The following TJP1 variants were observed in gnomAD, a reference collection of about 807,000 sequenced individuals.
TJP1 encodes the protein tight junction protein ZO-1.
A neutral mutation model predicts 194.2 loss-of-function variants in TJP1; 43 were observed. That is an observed-to-expected ratio of 0.22 (90% CI 0.17 to 0.29). TJP1 has a LOEUF of 0.29. Ranked by LOEUF, TJP1 falls within the 10% of genes least tolerant of loss-of-function variation. The pLI, the probability that TJP1 is intolerant of heterozygous loss-of-function variation, is 1.00. For missense variants in TJP1, 1,971 were observed against 2,185.7 expected (o/e 0.90, Z 1.96); for synonymous variants, 801 against 779.0 (o/e 1.03, Z -0.47).
At chr15:29,851,826 T>C (rs1304084353) in intron 2 of TJP1, among the ~76,000 whole-genome samples, 1 of 152,210 alleles carries the variant, frequency 6.6e-6, no homozygotes, top group Non-Finnish European at 1.5e-5. Context: ...GCCTTCTACC[T>C]ATATCATATA....
intron 1 of TJP1, chr15:29,968,643 T>C (rs2056416860): frequency 1.9e-6 from 2 of 1,025,974 alleles, no homozygotes; most frequent in African/African-American, 1.7e-5. Context: ...CGGCTGGGGC[T>C]CCGCGCCCGC....
intron 2 of TJP1, among the ~76,000 whole-genome samples, chr15:29,863,690 C>G (rs1034943695): frequency 6.6e-6 from 1 of 152,138 alleles, no homozygotes; most frequent in African/African-American, 2.4e-5. Flanking sequence ...CACATGTACT[C>G]TCAGCACAAT....
chr15:29,959,806 T>C (rs2056089123), intron 1 of TJP1, among the ~76,000 whole-genome samples: 2 of 152,234 alleles, frequency 1.3e-5, no homozygotes, highest in Admixed American at 6.5e-5. Flanking sequence ...ATTGAATTTC[T>C]AGGGCGTCTT....
At chr15:29,833,869 A>AT (rs1350588888) in intron 2 of TJP1, among the ~76,000 whole-genome samples, 1 of 19,210 alleles carries the variant, frequency 5.2e-5, no homozygotes, top group African/African-American at 1.8e-4. Context: ...ATATATATAT[A>AT]TATATATATA....
intron 2 of TJP1, among the ~76,000 whole-genome samples, chr15:29,906,645 T>A (rs1292358435): frequency 6.6e-6 from 1 of 151,790 alleles, no homozygotes; most frequent in East Asian, 2.0e-4. Flanking sequence ...AGTGGTGCAA[T>A]CTCAGCTCAC....
intron 2 of TJP1, among the ~76,000 whole-genome samples, chr15:29,882,063 T>G (rs187427715): frequency 2.3e-4 from 35 of 152,254 alleles, no homozygotes; most frequent in Admixed American, 2.2e-3. Flanking sequence ...AGGGATGGCA[T>G]CAAACACAAT....
intron 2 of TJP1, among the ~76,000 whole-genome samples, chr15:29,877,261 G>A (rs2052736206): frequency 6.6e-6 from 1 of 152,244 alleles, no homozygotes; most frequent in Non-Finnish European, 1.5e-5. Flanking sequence ...TGCCTTCCAG[G>A]CTTGGAGTGC....
chr15:29,718,819 T>C lies in TJP1; in HGVS notation c.3323A>G (p.Asn1108Ser), dbSNP rs2042747309. ...QPYPSRPPFD[N>S]QHSQDLDSRQ... ...GGAGTCAAGGTCTTGAGAGTGCTGA[T>C]TATCAAAAGGTGGCCGAGATGGGTA... Residue 1108 changes from asparagine to serine, a missense_variant, in exon 21 of 28, where the codon AAT (asparagine) becomes AGT (serine). Asn to Ser is a conservative substitution (Grantham distance 46). Coordinates refer to ENST00000614355, the MANE Select transcript of TJP1 (RefSeq NM_001330239.4). 1 of 1,614,046 alleles carries C rather than the reference T, an allele frequency of 6.2e-7. No individual in the cohort carries two copies. The highest frequency in any genetic ancestry group is 1.3e-5 in the African/African-American group (1 of 74,914).
At chr15:29,726,305 G>T in intron 18 of TJP1, 74 bp downstream of exon 18, 1 of 1,225,324 alleles carries the variant, frequency 8.2e-7, no homozygotes, top group Non-Finnish European at 1.2e-6. Context: ...AGAAAGCACT[G>T]GTATCTCAAA....
intron 4 of TJP1, among the ~76,000 whole-genome samples, chr15:29,767,801 T>G (rs868059234): frequency 3.9e-4 from 60 of 152,238 alleles, no homozygotes; most frequent in Middle Eastern, 6.8e-3. Flanking sequence ...AGTGTCTCAT[T>G]TATTTGGTCC....
intron 2 of TJP1, among the ~76,000 whole-genome samples, chr15:29,866,792 C>T (rs1054336866): frequency 1.3e-5 from 2 of 152,134 alleles, no homozygotes; most frequent in Non-Finnish European, 2.9e-5. Flanking sequence ...ATAACGAGGC[C>T]GTCTGGCTGG....
At chr15:29,760,300 C>T (rs925825443) in intron 8 of TJP1, 15 of 701,198 alleles carry the variant, frequency 2.1e-5, no homozygotes, top group Admixed American at 4.0e-5. Context: ...CTCAAATGTA[C>T]GTGTGACTCT....
chr15:29,806,774 C>A (rs2049137245), intron 1 of TJP1, among the ~76,000 whole-genome samples: 2 of 152,066 alleles, frequency 1.3e-5, no homozygotes, highest in Admixed American at 1.3e-4. Context: ...CACTGCAACA[C>A]AAATGAAGTA....
In TJP1 at chr15:29,710,930, T is replaced by G; in HGVS notation, c.4273A>C (p.Thr1425Pro). Residue 1425 changes from threonine (T) to proline (P), a missense_variant, in exon 24 of 28, where the codon ACT becomes CCT. Thr to Pro is a conservative substitution (Grantham distance 38). This residue lies in a region of TJP1 where 1,108 missense variants were observed against 1,128.5 expected (regional missense o/e 0.98). Coordinates refer to ENST00000614355, the MANE Select transcript of TJP1 (RefSeq NM_001330239.4). ...GEKRYEPIQATPPPPPLPSQY... is the reference protein window; with the variant it reads ...GEKRYEPIQAPPPPPPLPSQY... ...GAGGGCAATGGAGGAGGAGGGGGAG[T>G]GGCCTGGATGGGTTCATAGCGTTTC... 6.2e-7 allele frequency: 1 copy of G among 1,613,042 alleles called. No individual in the cohort carries two copies. Among genetic ancestry groups the G allele is most frequent in the Admixed American group, 1.7e-5 (1 of 59,880 alleles).
In TJP1 at chr15:29,820,565, T is replaced by C. The variant is rs143873965; in HGVS notation, c.27+1437A>G. On this transcript the variant is annotated intron_variant, in intron 1 of 27. Transcript: ENST00000614355. ...TCCATTGAAAACGTATTTCTCTCCA[T>C]ACTTGAAATAACCTCTTAAAAAGTG... 3.7e-3 allele frequency: 2,664 copies of C among 716,852 alleles called. 17 individuals carry two copies. Among genetic ancestry groups the C allele is most frequent in the South Asian group, 9.0e-3 (609 of 67,580 alleles). The allele number at this position is 716,852 out of a possible 1,614,324, so 44.4% of individuals were successfully genotyped here.
chr15:29,949,489 C>T (rs1596310330), intron 2 of TJP1, among the ~76,000 whole-genome samples: 1 of 145,514 alleles, frequency 6.9e-6, no homozygotes, highest in East Asian at 2.1e-4. Context: ...CAACCACCAC[C>T]TCCACCTCCA....
Position 29,726,846 on chromosome 15 carries a change from T to C in TJP1, c.2246A>G (p.Lys749Arg), listed in dbSNP as rs2043271795. The C allele has an allele frequency of 6.2e-7, 1 of 1,614,062 alleles. No homozygotes were observed. The highest frequency in any genetic ancestry group is 1.3e-5 in the African/African-American group (1 of 74,930). Residue 749 changes from lysine (K) to arginine (R), a missense_variant, in exon 17 of 28, where the codon AAA (lysine) becomes AGA (arginine). By Grantham distance (26) the Lys-to-Arg change is conservative. This residue lies in a region of TJP1 where 402 missense variants were observed against 484.2 expected (regional missense o/e 0.83). Transcript: ENST00000614355. ...MRMRLCPESR[K>R]SARKLYERSH... ...TCGCTCGTATAACTTCCTGGCACTT[T>C]TCCGAGATTCTGGACATAACCTCAT...
At chr15:29,762,068 T>C (rs1230104549) in intron 6 of TJP1, among the ~76,000 whole-genome samples, 1 of 152,172 alleles carries the variant, frequency 6.6e-6, no homozygotes, top group East Asian at 1.9e-4. Context: ...GAAGCAATTA[T>C]CAGAACTTTT....
At chr15:29,853,896 G>GT (rs1032251513) in intron 2 of TJP1, among the ~76,000 whole-genome samples, 3 of 152,128 alleles carry the variant, frequency 2.0e-5, no homozygotes, top group Admixed American at 6.5e-5. Flanking sequence ...ATGATGGGTG[G>GT]TTTTTTCCGA....
Sources: allele counts gnomAD v4.1 joint callset (sites outside exome capture counted in the v4.1 genomes callset), GRCh38; gene constraint gnomAD v4.1.1; regional missense constraint gnomAD v4.1.1; transcripts MANE v1.5; gene names NCBI Gene and HGNC (gene_info 2026-07-23, HGNC 2026-07-21).